Variants in SLC8A1 observed in about 807,000 individuals in gnomAD.
SLC8A1 encodes the protein sodium/calcium exchanger 1.
In SLC8A1, 18 loss-of-function variants were observed where a neutral mutation model predicts 68.3. The observed-to-expected ratio is 0.26, with a 90% CI of 0.18 to 0.39. The LOEUF is 0.39. Among genes scored for constraint, SLC8A1 ranks in the 10% least tolerant of loss-of-function variants. The probability of loss-of-function intolerance (pLI) is 1.00; values close to 1 mark genes in which losing one functional copy is unlikely to be tolerated. For missense variants in SLC8A1, 985 were observed against 1,156.7 expected, an observed-to-expected ratio of 0.85 and a Z score of 2.15; for synonymous variants, 475 against 415.5, an observed-to-expected ratio of 1.14 and a Z score of -1.74.
intron 2 of SLC8A1, among the ~76,000 whole-genome samples, chr2:40,231,411 C>A (rs563413967): frequency 1.7e-4 from 26 of 152,122 alleles, no homozygotes; most frequent in Non-Finnish European, 3.1e-4. Flanking sequence ...CAAATCTTCC[C>A]ATTTAATCTT....
chr2:40,252,871 A>G (rs1369489607), intron 2 of SLC8A1, among the ~76,000 whole-genome samples: 1 of 116,128 alleles, frequency 8.6e-6, no homozygotes, highest in East Asian at 2.5e-4. Flanking sequence ...TTTGATTCCA[A>G]TAATATATAT....
chr2:40,211,232 G>A (rs1196560304), intron 2 of SLC8A1, among the ~76,000 whole-genome samples: 18 of 152,176 alleles, frequency 1.2e-4, no homozygotes, highest in Admixed American at 1.2e-3. Flanking sequence ...TGAAACTCAT[G>A]TACGTTGGCA....
At chr2:40,410,200 C>T (rs1691675882) in intron 2 of SLC8A1, among the ~76,000 whole-genome samples, 1 of 151,680 alleles carries the variant, frequency 6.6e-6, no homozygotes, top group African/African-American at 2.4e-5. Flanking sequence ...ATTATAGTAC[C>T]CCTCCGAGGG....
In SLC8A1 at chr2:40,400,527, C is replaced by T. The variant is rs80231124; in HGVS notation, c.1808+27946G>A. Among the ~76,000 whole-genome samples, 400 of 152,262 alleles carry T rather than the reference C, an allele frequency of 2.6e-3. 3 individuals are homozygous for T. Among genetic ancestry groups the T allele is most frequent in the African/African-American group, 9.5e-3 (394 of 41,548 alleles). ...CTCTTCTTTTCTAATCTTTTGTTTT[C>T]TCTTGGCCTGAGTCAAAGTCCTTTG... On this transcript the variant is annotated intron_variant, in intron 2 of 7. Transcript: ENST00000406785.
chr2:40,411,193 A>T (rs1011509492), intron 2 of SLC8A1, among the ~76,000 whole-genome samples: 2 of 152,080 alleles, frequency 1.3e-5, no homozygotes, highest in Admixed American at 6.6e-5. Context: ...AAGAGTTTTG[A>T]ACACTAATAG....
rs576001664 is a variant in SLC8A1, at chr2:40,432,060, G to A, written c.-24-1756C>T. Among the ~76,000 whole-genome samples the A allele has an allele frequency of 2.0e-5, 3 of 152,230 alleles. No individual in the cohort carries two copies. In the South Asian group the frequency reaches 6.2e-4, roughly 32 times the overall value. The stretch of plus-strand genomic sequence containing the variant: ...TCAAAATATGCAAAAGTTCTGGTCA[G>A]TATGTCTGCTTGTTCAGTCTTTGAA... On this transcript the variant is annotated intron_variant, in intron 1 of 7. Coordinates refer to ENST00000406785, the Ensembl canonical transcript of SLC8A1.
chr2:40,194,697 G>A (rs1573879344), intron 2 of SLC8A1, among the ~76,000 whole-genome samples: 1 of 152,030 alleles, frequency 6.6e-6, no homozygotes, highest in Non-Finnish European at 1.5e-5. Context: ...GCAGATAGGA[G>A]CAGTGAGAGG....
intron 6 of SLC8A1, among the ~76,000 whole-genome samples, chr2:40,148,294 T>C (rs1202467404): frequency 1.3e-5 from 2 of 152,228 alleles, no homozygotes. Context: ...TTCAGCCTCA[T>C]TGGGAAGTGG....
intron 2 of SLC8A1, among the ~76,000 whole-genome samples, chr2:40,270,752 A>G (rs2065923892): frequency 6.6e-6 from 1 of 152,188 alleles, no homozygotes. Context: ...GAACATGGAC[A>G]TCTTGGGTGG....
chr2:40,215,643 C>CAAAAAAAAAAAAAAAA (rs56191722), intron 2 of SLC8A1, among the ~76,000 whole-genome samples: 4 of 69,924 alleles, frequency 5.7e-5, no homozygotes, highest in African/African-American at 2.3e-4. Context: ...GACTCCGTCT[C>CAAAAAAAAAAAAAAAA]AAAAAAAAAA....
At chr2:40,464,694 G>T (rs969610835) in intron 1 of SLC8A1, among the ~76,000 whole-genome samples, 4 of 152,216 alleles carry the variant, frequency 2.6e-5, no homozygotes, top group African/African-American at 9.6e-5. Context: ...TGTGGTGGGG[G>T]CATGACATTG....
At chr2:40,366,704 C>A (rs1676310659) in intron 2 of SLC8A1, among the ~76,000 whole-genome samples, 1 of 151,216 alleles carries the variant, frequency 6.6e-6, no homozygotes, top group African/African-American at 2.4e-5. Context: ...CCAGTACCTT[C>A]TTTACTATCT....
At chr2:40,425,162 A>C (rs543799277) in intron 2 of SLC8A1, among the ~76,000 whole-genome samples, 1 of 152,018 alleles carries the variant, frequency 6.6e-6, no homozygotes, top group African/African-American at 2.4e-5. Flanking sequence ...AATTATATCT[A>C]TTTAATGGGA....
At chr2:40,336,684 A>T (rs1301325631) in intron 2 of SLC8A1, among the ~76,000 whole-genome samples, 2 of 152,202 alleles carry the variant, frequency 1.3e-5, no homozygotes, top group African/African-American at 4.8e-5. Context: ...TTTCGTTCAC[A>T]AAAATACAGG....
At chr2:40,265,826 A>G (rs537044172) in intron 2 of SLC8A1, among the ~76,000 whole-genome samples, 1 of 152,294 alleles carries the variant, frequency 6.6e-6, no homozygotes, top group Non-Finnish European at 1.5e-5. Flanking sequence ...TATAGCATGC[A>G]ATTATTTGCT....
chr2:40,132,426 T>C (rs1421587463), intron 7 of SLC8A1, among the ~76,000 whole-genome samples: 4 of 152,160 alleles, frequency 2.6e-5, no homozygotes, highest in East Asian at 1.9e-4. Context: ...TCCAGGCATA[T>C]TGTACCCTAT....
chr2:40,503,041 T>C (rs1173542220), intron 1 of SLC8A1, among the ~76,000 whole-genome samples: 2 of 152,014 alleles, frequency 1.3e-5, no homozygotes, highest in Admixed American at 1.3e-4. Context: ...AATGGTTCTG[T>C]TTCTTGATCT....
chr2:40,200,328 G>A (rs1464844866), intron 2 of SLC8A1, among the ~76,000 whole-genome samples: 1 of 130,978 alleles, frequency 7.6e-6, no homozygotes, highest in Non-Finnish European at 1.6e-5. Flanking sequence ...CTTCAGGTAG[G>A]TTGAGAGCTA....
intron 7 of SLC8A1, among the ~76,000 whole-genome samples, chr2:40,138,712 T>G (rs1437684374): frequency 6.6e-6 from 1 of 152,152 alleles, no homozygotes; most frequent in African/African-American, 2.4e-5. Context: ...CCACCAAAGT[T>G]TGAAAATTAT....
Sources: gnomAD v4.1 joint callset for allele counts (sites outside exome capture counted in the v4.1 genomes callset) on GRCh38, gnomAD v4.1.1 for gene constraint, MANE v1.5 for transcripts, NCBI Gene and HGNC (gene_info 2026-07-23, HGNC 2026-07-21) for gene names.